The following GAB1 variants were observed in gnomAD, a reference collection of about 807,000 sequenced individuals.
The protein encoded by GAB1 is GRB2-associated-binding protein 1.
GAB1 carries 19 observed loss-of-function variants against 66.5 expected under a neutral mutation model. The observed-to-expected ratio is 0.29, with a 90% confidence interval of 0.20 to 0.42. GAB1 has a LOEUF of 0.42. Among genes scored for constraint, GAB1 ranks in the 10% least tolerant of loss-of-function variants. The probability of loss-of-function intolerance (pLI) is 1.00; values close to 1 mark genes in which losing one functional copy is unlikely to be tolerated. For missense variants in GAB1, 732 were observed against 858.5 expected, an observed-to-expected ratio of 0.85 and a Z score of 1.84; for synonymous variants, 294 against 301.4, an observed-to-expected ratio of 0.98 and a Z score of 0.25.
At chr4:143,381,098 G>A (rs747215240) in intron 1 of GAB1, among the ~76,000 whole-genome samples, 1 of 152,214 alleles carries the variant, frequency 6.6e-6, no homozygotes. Context: ...GACACTTTCT[G>A]TAGTGGGAGG....
intron 4 of GAB1, among the ~76,000 whole-genome samples, chr4:143,439,391 T>A (rs1734104720): frequency 6.6e-6 from 1 of 152,224 alleles, no homozygotes; most frequent in Non-Finnish European, 1.5e-5. Context: ...ATTACTTAAA[T>A]CAGTACTTAT....
chr4:143,442,060 TA>T (rs28925913), intron 6 of GAB1, among the ~76,000 whole-genome samples: 2,436 of 152,354 alleles, frequency 0.016, 68 homozygotes, highest in African/African-American at 0.055. Flanking sequence ...TCTTTGTCTC[TA>T]AATCTATTTT....
At chr4:143,379,128 G>A (rs182840047) in intron 1 of GAB1, among the ~76,000 whole-genome samples, 51 of 152,152 alleles carry the variant, frequency 3.4e-4, no homozygotes, top group African/African-American at 1.2e-3. Context: ...GGTTGCTGGG[G>A]ACTACAATTC....
At chr4:143,407,138 A>T (rs545604317) in intron 1 of GAB1, among the ~76,000 whole-genome samples, 1 of 152,214 alleles carries the variant, frequency 6.6e-6, no homozygotes, top group African/African-American at 2.4e-5. Context: ...ATACAATATT[A>T]CCTATATACC....
intron 1 of GAB1, among the ~76,000 whole-genome samples, chr4:143,345,783 A>G (rs1399264384): frequency 6.6e-6 from 1 of 152,258 alleles, no homozygotes; most frequent in Non-Finnish European, 1.5e-5. Context: ...CTATTTAAAC[A>G]TGAAATAAGC....
intron 7 of GAB1, 122 bp downstream of exon 7, chr4:143,459,600 TG>T: frequency 1.4e-6 from 1 of 700,346 alleles, no homozygotes; most frequent in East Asian, 2.6e-5. Flanking sequence ...GCCCCCTTTT[TG>T]GGGGTTCTGT....
chr4:143,387,253 TC>T (rs1730961091), intron 1 of GAB1, among the ~76,000 whole-genome samples: 1 of 152,168 alleles, frequency 6.6e-6, no homozygotes, highest in Admixed American at 6.5e-5. Context: ...TGCCTCAGCC[TC>T]CCAAGTAGCT....
Position 143,343,458 on chromosome 4 carries a change from C to T in GAB1, c.72+6198C>T, listed in dbSNP as rs1253913336. The T allele has an allele frequency of 9.0e-5, 14 of 154,764 alleles. No individual in the cohort carries two copies. In the Admixed American group the frequency reaches 9.2e-4, roughly 10 times the overall value. 9.6% of individuals were successfully genotyped at this position (154,764 alleles called of 1,614,324 possible). On this transcript the variant is annotated intron_variant, in intron 1 of 9. Coordinates refer to ENST00000262994, the MANE Select transcript of GAB1 (RefSeq NM_002039.4). ...TGTGTCTTGAGCCCCTGTGCAATGC[C>T]TGGCTCAGAGTAGGAGCTCAACAGA...
At chr4:143,348,417 G>A (rs1043128636) in intron 1 of GAB1, among the ~76,000 whole-genome samples, 1 of 152,188 alleles carries the variant, frequency 6.6e-6, no homozygotes, top group Non-Finnish European at 1.5e-5. Flanking sequence ...TCCTTGTACA[G>A]TGGCTCAGCC....
chr4:143,460,625 T>G, intron 8 of GAB1, 138 bp downstream of exon 8: 1 of 718,020 alleles, frequency 1.4e-6, no homozygotes, highest in South Asian at 2.7e-5. Flanking sequence ...TTAAAAAGCT[T>G]ATTAAAAATA....
intron 5 of GAB1, 91 bp from the exon 6 acceptor site, chr4:143,439,988 T>G: frequency 2.1e-6 from 3 of 1,404,628 alleles, no homozygotes; most frequent in Non-Finnish European, 2.0e-6. Flanking sequence ...AAAAGTACGC[T>G]GAGATCCATA....
intron 1 of GAB1, among the ~76,000 whole-genome samples, chr4:143,367,580 AT>A (rs1729937513): frequency 6.7e-6 from 1 of 150,106 alleles, no homozygotes; most frequent in Non-Finnish European, 1.5e-5. Context: ...TTACAGAGGT[AT>A]AAGTTCCAAT....
intron 7 of GAB1, 92 bp downstream of exon 7, chr4:143,459,570 C>G (rs879550667): frequency 8.6e-6 from 7 of 816,924 alleles, no homozygotes; most frequent in African/African-American, 8.5e-5. Flanking sequence ...AATAGTGGTT[C>G]TCAATGGATG....
At chr4:143,353,771 C>G (rs1192860617) in intron 1 of GAB1, among the ~76,000 whole-genome samples, 1 of 151,972 alleles carries the variant, frequency 6.6e-6, no homozygotes, top group Non-Finnish European at 1.5e-5. Flanking sequence ...CTAATTATCT[C>G]TGTATTAAAG....
chr4:143,425,718 G>C (rs1223473894), intron 2 of GAB1: 8 of 759,502 alleles, frequency 1.1e-5, no homozygotes, highest in Non-Finnish European at 1.9e-5. Flanking sequence ...GACCAAGGAG[G>C]AATTTCAGTG....
intron 1 of GAB1, among the ~76,000 whole-genome samples, chr4:143,342,430 C>G (rs181025164): frequency 9.3e-5 from 14 of 151,338 alleles, no homozygotes; most frequent in Admixed American, 9.2e-4. Context: ...AGGAGTAAAA[C>G]ACACAGCGTT....
At chr4:143,454,656 G>A (rs1735087214) in intron 6 of GAB1, among the ~76,000 whole-genome samples, 1 of 152,180 alleles carries the variant, frequency 6.6e-6, no homozygotes, top group Non-Finnish European at 1.5e-5. Context: ...TTCAGCACCA[G>A]GGTTTGTGGA....
intron 1 of GAB1, among the ~76,000 whole-genome samples, chr4:143,340,571 C>T (rs1728792921): frequency 6.6e-6 from 1 of 152,088 alleles, no homozygotes; most frequent in Admixed American, 6.6e-5. Flanking sequence ...AGTGCAGTGG[C>T]ACTATCTCGG....
intron 8 of GAB1, among the ~76,000 whole-genome samples, chr4:143,464,974 C>T (rs1381416367): frequency 1.3e-5 from 2 of 152,118 alleles, no homozygotes; most frequent in Non-Finnish European, 2.9e-5. Context: ...AAATTTTTAA[C>T]TTTGTTAAAT....
Sources: gnomAD v4.1 joint callset for allele counts (sites outside exome capture counted in the v4.1 genomes callset) on GRCh38, gnomAD v4.1.1 for gene constraint, MANE v1.5 for transcripts, NCBI Gene and HGNC (gene_info 2026-07-23, HGNC 2026-07-21) for gene names.